Variants in GLS observed in about 807,000 individuals in gnomAD.
The protein encoded by GLS is glutaminase.
A neutral mutation model predicts 86.7 loss-of-function variants in GLS; 36 were observed. That is an observed-to-expected ratio of 0.42 (90% confidence interval 0.32 to 0.55). The LOEUF (loss-of-function observed/expected upper bound fraction) is 0.55, where lower values mean the gene tolerates loss of function less well. Among genes scored for constraint, GLS ranks in the 20% least tolerant of loss-of-function variants. The pLI is 0.17. For missense variants in GLS, 528 were observed against 833.4 expected, an observed-to-expected ratio of 0.63 and a Z score of 4.51; for synonymous variants, 317 against 305.9, an observed-to-expected ratio of 1.04 and a Z score of -0.38.
chr2:190,888,761 G>T (rs1052024448), intron 1 of GLS, among the ~76,000 whole-genome samples: 1 of 152,020 alleles, frequency 6.6e-6, no homozygotes. Context: ...TACTCTTAAG[G>T]GTGGGTTTGT....
rs370545431 is a variant in GLS, at chr2:190,962,794, C to T, written c.1854-36C>T. 6 of 1,330,402 alleles carry T rather than the reference C, an allele frequency of 4.5e-6. No homozygotes were observed. Among genetic ancestry groups the T allele is most frequent in the East Asian group, 2.7e-5 (1 of 37,200 alleles). 82.4% of individuals were successfully genotyped at this position (1,330,402 alleles called of 1,614,324 possible). The stretch of plus-strand genomic sequence containing the variant: ...GGTGATCATCTTTGTACATAAATTA[C>T]CTAATGACCCTGTCCATGCTGTGCT... On this transcript the variant is annotated intron_variant, in intron 17 of 17. Coordinates refer to ENST00000320717, the MANE Select transcript of GLS (RefSeq NM_014905.5). This position sits in a 1 kb window ranked among gnomAD's most constrained non-coding sequence, Gnocchi z 4.2.
rs2124824429 is a variant in GLS at position 190,895,556 on chromosome 2, A to G, written c.484-48A>G. 1 of 1,355,118 alleles carries G rather than the reference A, an allele frequency of 7.4e-7. No individual in the cohort carries two copies. Among genetic ancestry groups the G allele is most frequent in the Non-Finnish European group, 1.0e-6 (1 of 964,134 alleles). The allele number at this position is 1,355,118 out of a possible 1,614,324, so 83.9% of individuals were successfully genotyped here. ...AATCTTATAGTTGGTATAAGCATATACATTATTTGCACTATATATTTACAA... is the reference window on the plus strand; with the variant it reads ...AATCTTATAGTTGGTATAAGCATATGCATTATTTGCACTATATATTTACAA... On this transcript the variant is annotated intron_variant, in intron 2 of 17. Coordinates refer to ENST00000320717, the MANE Select transcript of GLS (RefSeq NM_014905.5). This position sits in a 1 kb window ranked among gnomAD's most constrained non-coding sequence, Gnocchi z 4.2.
Position 190,905,508 on chromosome 2 carries a change from A to C in GLS, c.979+341A>C, listed in dbSNP as rs148085341. Among the ~76,000 whole-genome samples the C allele has an allele frequency of 5.7e-3, 865 of 152,256 alleles. 13 individuals carry two copies. Among genetic ancestry groups the C allele is most frequent in the African/African-American group, 0.018 (763 of 41,596 alleles). The stretch of plus-strand genomic sequence containing the variant: ...ATTACTATATGTTGGTAATTATTGC[A>C]GCTAAATGATAGGTGCATGGGTGTT... On this transcript the variant is annotated intron_variant, in intron 6 of 17. Coordinates refer to ENST00000320717, the MANE Select transcript of GLS (RefSeq NM_014905.5). The surrounding 1 kb of genome is among the most constrained non-coding windows in gnomAD (Gnocchi z 4.6).
rs1416127579 is a variant in GLS at position 190,953,052 on chromosome 2, T to C, written c.1651-513T>C. 6.6e-6 allele frequency among the ~76,000 whole-genome samples: 1 copy of C among 152,222 alleles called. No individual in the cohort carries two copies. The highest frequency in any genetic ancestry group is 1.5e-5 in the Non-Finnish European group (1 of 68,038). On this transcript the variant is annotated intron_variant, in intron 14 of 17. Coordinates refer to ENST00000320717, the MANE Select transcript of GLS (RefSeq NM_014905.5). This position sits in a 1 kb window ranked among gnomAD's most constrained non-coding sequence, Gnocchi z 4.0. Reference sequence around the variant, plus strand: ...CTGGGCATTGAACTGAAGGCTGTCTTTCCAGTGAAGTAAAGTTTAAGATGA... The same window carrying C: ...CTGGGCATTGAACTGAAGGCTGTCTCTCCAGTGAAGTAAAGTTTAAGATGA...
chr2:190,885,181 A>G (rs753390610), intron 1 of GLS, among the ~76,000 whole-genome samples: 2 of 151,602 alleles, frequency 1.3e-5, no homozygotes, highest in African/African-American at 2.4e-5. Context: ...ATCGAGGTGT[A>G]TACTCTGAAA....
intron 1 of GLS, among the ~76,000 whole-genome samples, chr2:190,888,319 C>T (rs1688454786): frequency 6.6e-6 from 1 of 152,180 alleles, no homozygotes; most frequent in Non-Finnish European, 1.5e-5. Flanking sequence ...TACCCTTAAA[C>T]ATCAAACTTT....
chr2:190,926,266 C>T (rs193293855), intron 11 of GLS, among the ~76,000 whole-genome samples: 1 of 152,260 alleles, frequency 6.6e-6, no homozygotes, highest in East Asian at 1.9e-4. Flanking sequence ...ATGATTAAGT[C>T]GACCTTATCA....
chr2:190,926,875 G>T (rs1468158910), intron 11 of GLS: 3 of 152,942 alleles, frequency 2.0e-5, no homozygotes, highest in African/African-American at 7.2e-5. Flanking sequence ...TTCTAAAATG[G>T]TGATTTCTCA....
chr2:190,941,114 G>A (rs956644942), intron 14 of GLS, among the ~76,000 whole-genome samples: 2 of 152,114 alleles, frequency 1.3e-5, no homozygotes, highest in African/African-American at 4.8e-5. Context: ...CCTAATATGT[G>A]CCAGAAACCG....
chr2:190,923,246 T>C (rs900127900), intron 9 of GLS, among the ~76,000 whole-genome samples: 10 of 152,214 alleles, frequency 6.6e-5, no homozygotes, highest in Non-Finnish European at 1.5e-4. Context: ...GTTTTGTGGG[T>C]AGTCAGGAGC....
chr2:190,892,930 C>T (rs1688611353), intron 1 of GLS, among the ~76,000 whole-genome samples: 1 of 151,960 alleles, frequency 6.6e-6, no homozygotes, highest in Non-Finnish European at 1.5e-5. Context: ...TTTTTTTTCA[C>T]TATGTGCCAT....
At chr2:190,891,921 T>G (rs186195654) in intron 1 of GLS, among the ~76,000 whole-genome samples, 3 of 152,296 alleles carry the variant, frequency 2.0e-5, no homozygotes, top group Admixed American at 6.5e-5. Context: ...TTGCCAGAAA[T>G]CTTTTTCTGT....
rs893698203 is a variant in GLS at position 190,921,826 on chromosome 2, C to T, written c.1130+623C>T. ...AACGTTAACGTTAATTTTAAAATATCATGACATTAATCAATATGTAAATGT... is the reference window on the plus strand; with the variant it reads ...AACGTTAACGTTAATTTTAAAATATTATGACATTAATCAATATGTAAATGT... On this transcript the variant is annotated intron_variant, in intron 9 of 17. Coordinates refer to ENST00000320717, the MANE Select transcript of GLS (RefSeq NM_014905.5). This position sits in a 1 kb window ranked among gnomAD's most constrained non-coding sequence, Gnocchi z 4.2. Among the ~76,000 whole-genome samples, 9 of 152,124 alleles carry T rather than the reference C, an allele frequency of 5.9e-5. No homozygotes were observed. The South Asian group carries it at 1.7e-3, about 28-fold the overall frequency.
At chr2:190,893,845 A>G (rs1688642968) in intron 1 of GLS, among the ~76,000 whole-genome samples, 1 of 152,206 alleles carries the variant, frequency 6.6e-6, no homozygotes, top group Non-Finnish European at 1.5e-5. Flanking sequence ...TCAGCCTCCC[A>G]AAGTGCTGGG....
intron 14 of GLS, among the ~76,000 whole-genome samples, chr2:190,950,688 C>T (rs1259643217): frequency 1.3e-5 from 2 of 152,070 alleles, no homozygotes; most frequent in African/African-American, 2.4e-5. Context: ...GCTGGTAACC[C>T]GTGTTGGCCC....
intron 3 of GLS, chr2:190,896,175 C>T (rs1688734543): frequency 6.6e-6 from 1 of 152,508 alleles, no homozygotes; most frequent in African/African-American, 2.4e-5. Context: ...GTCTGCTCCT[C>T]TCCTCTCTTC....
chr2:190,919,054 C>T (rs1227361139), intron 7 of GLS, among the ~76,000 whole-genome samples: 2 of 144,216 alleles, frequency 1.4e-5, no homozygotes, highest in Non-Finnish European at 3.1e-5. Flanking sequence ...ACAAAATGAG[C>T]ACATACTGTT....
chr2:190,927,165 A>G, intron 11 of GLS, 141 bp from the exon 12 acceptor site: 1 of 703,842 alleles, frequency 1.4e-6, no homozygotes, highest in Non-Finnish European at 2.2e-6. Context: ...AATCTTCAGA[A>G]TGTCCTCAAG....
chr2:190,937,511 A>AGG (rs1446706302), intron 14 of GLS, among the ~76,000 whole-genome samples: 2 of 151,388 alleles, frequency 1.3e-5, no homozygotes, highest in African/African-American at 4.8e-5. Context: ...TTATTTTTAA[A>AGG]ATAGTATGTT....
Sources: gnomAD v4.1 joint callset for allele counts (sites outside exome capture counted in the v4.1 genomes callset) on GRCh38, gnomAD v4.1.1 for gene constraint, Gnocchi (gnomAD v3.1) non-coding constraint, MANE v1.5 for transcripts, NCBI Gene and HGNC (gene_info 2026-07-23, HGNC 2026-07-21) for gene names.